The following NUCB1 variants were observed in gnomAD, a reference collection of about 807,000 sequenced individuals.
NUCB1 encodes nucleobindin-1.
Under a neutral mutation model 61.2 loss-of-function variants are expected in NUCB1, and 47 were observed. The ratio of observed to expected loss-of-function variants is 0.77; its 90% confidence interval spans 0.61 to 0.98. The LOEUF is 0.98. NUCB1 is among the 50% of genes least tolerant of loss of function. The pLI is 0.00. For missense variants in NUCB1, 583 were observed against 605.3 expected (o/e 0.96, Z 0.39); for synonymous variants, 234 against 243.1 (o/e 0.96, Z 0.35).
chr19:48,909,292 G>T (rs1173948433), intron 4 of NUCB1, among the ~76,000 whole-genome samples: 1 of 151,274 alleles, frequency 6.6e-6, no homozygotes, highest in Non-Finnish European at 1.5e-5. Context: ...TCGTTGCCCA[G>T]GCTGGAGTGC....
intron 2 of NUCB1, among the ~76,000 whole-genome samples, chr19:48,903,964 G>A (rs2037384883): frequency 6.7e-6 from 1 of 148,674 alleles, no homozygotes; most frequent in Admixed American, 6.7e-5. Flanking sequence ...ATGGATGGGT[G>A]GATGGATGGA....
chr19:48,906,003 G>GTGCTGAAATGTGC, intron 4 of NUCB1, 118 bp downstream of exon 4: 1 of 958,518 alleles, frequency 1.0e-6, no homozygotes, highest in Non-Finnish European at 1.6e-6. Flanking sequence ...GCTGCGAAAT[G>GTGCTGAAATGTGC]TGCTGAAATG....
intron 6 of NUCB1, 26 bp from the exon 7 acceptor site, chr19:48,913,448 T>C (rs1445166667): frequency 6.2e-7 from 1 of 1,600,362 alleles, no homozygotes; most frequent in East Asian, 2.2e-5. Context: ...TTCTTGCTCA[T>C]GAGCTCCTGG....
intron 7 of NUCB1, among the ~76,000 whole-genome samples, chr19:48,916,506 G>A (rs538512872): frequency 1.3e-3 from 201 of 152,170 alleles, no homozygotes; most frequent in African/African-American, 4.5e-3. Context: ...TGTAGTCCCA[G>A]CTCCTTGGGA....
At chr19:48,919,355 T>A (rs2037580356) in intron 10 of NUCB1, 69 bp downstream of exon 10, 4 of 1,199,834 alleles carry the variant, frequency 3.3e-6, no homozygotes, top group Non-Finnish European at 4.8e-6. Context: ...TCTTTCAGAA[T>A]CTTAGGCCCC....
intron 7 of NUCB1, among the ~76,000 whole-genome samples, chr19:48,913,985 T>G: frequency 6.7e-6 from 1 of 149,516 alleles, no homozygotes; most frequent in Non-Finnish European, 1.5e-5. Flanking sequence ...TTTTTTTTTT[T>G]GAGATGGAGT....
At position 48,904,586 on chromosome 19, in the gene NUCB1, G is replaced by A. The variant is rs2037392639; in HGVS notation, c.243+132G>A. The A allele has an allele frequency of 8.3e-6, 5 of 606,050 alleles. No individual in the cohort carries two copies. The Admixed American group carries it at 1.4e-4, about 16-fold the overall frequency. 37.5% of individuals were successfully genotyped at this position (606,050 alleles called of 1,614,324 possible). On this transcript the variant is annotated intron_variant, in intron 3 of 12. Transcript: ENST00000405315. ...GTCACCCAGGCTGGAGTGCGATGGT[G>A]CGATCTCAGCTCACTGCACCTCCAC... is the stretch of plus-strand genomic sequence containing the variant.
At chr19:48,905,721 C>T (rs2037402895) in intron 3 of NUCB1, 32 bp from the exon 4 acceptor site, 1 of 1,613,426 alleles carries the variant, frequency 6.2e-7, no homozygotes, top group Non-Finnish European at 8.5e-7. Context: ...AGAGCAGGCC[C>T]CCAGGCTGAC....
chr19:48,904,842 G>T (rs1262447556), intron 3 of NUCB1, among the ~76,000 whole-genome samples: 1 of 152,134 alleles, frequency 6.6e-6, no homozygotes, highest in African/African-American at 2.4e-5. Context: ...CTTCAAAGGG[G>T]CCACATGGCT....
chr19:48,914,796 AT>A (rs201039177), intron 7 of NUCB1, among the ~76,000 whole-genome samples: 2,674 of 149,488 alleles, frequency 0.018, 40 homozygotes, highest in Admixed American at 0.029. Flanking sequence ...AAAAAAAAAA[AT>A]AGACCAGGCG....
At chr19:48,907,768 C>G (rs1008904808) in intron 4 of NUCB1, among the ~76,000 whole-genome samples, 18 of 152,222 alleles carry the variant, frequency 1.2e-4, no homozygotes, top group African/African-American at 4.1e-4. Flanking sequence ...CCCTCAGGCC[C>G]GCATTCATGT....
chr19:48,909,580 C>T (rs568979910), intron 4 of NUCB1, among the ~76,000 whole-genome samples: 1 of 150,928 alleles, frequency 6.6e-6, no homozygotes, highest in Admixed American at 6.6e-5. Flanking sequence ...TCACTTCTAT[C>T]CTCCAGGCTA....
At chr19:48,911,530 C>T (rs1379623252) in intron 5 of NUCB1, among the ~76,000 whole-genome samples, 1 of 151,636 alleles carries the variant, frequency 6.6e-6, no homozygotes, top group Non-Finnish European at 1.5e-5. Context: ...CTCAGCCTCC[C>T]GAGTAGCTAG....
At chr19:48,904,984 C>T (rs1383513749) in intron 3 of NUCB1, among the ~76,000 whole-genome samples, 3 of 152,208 alleles carry the variant, frequency 2.0e-5, no homozygotes, top group African/African-American at 7.2e-5. Flanking sequence ...GGCAGGCTTT[C>T]AGTCGCAGCT....
At position 48,913,091 on chromosome 19, in the gene NUCB1, A is replaced by G. The variant is rs116976299; in HGVS notation, c.561A>G (p.Arg187=). The change falls in exon 6 of 13, where the codon AGA becomes AGG. Residue 187 remains arginine (R), a synonymous_variant. Coordinates refer to ENST00000405315, the MANE Select transcript of NUCB1 (RefSeq NM_006184.6). ...ACGAGATGCTTAAGGAACACGAGAG[A>G]CGGCGTTATCTGGAGTCACTGGGAG... ...KRYEMLKEHE[R]RRYLESLGEE... is the part of the protein sequence containing the mutation. 2.0e-5 allele frequency: 32 copies of G among 1,613,524 alleles called. No homozygotes were observed. The highest frequency in any genetic ancestry group is 8.4e-5 in the Admixed American group (5 of 59,832).
intron 5 of NUCB1, among the ~76,000 whole-genome samples, chr19:48,911,522 C>T (rs1220470480): frequency 6.6e-6 from 1 of 151,488 alleles, no homozygotes; most frequent in Admixed American, 6.6e-5. Context: ...TCTCCTGCCT[C>T]AGCCTCCCGA....
intron 7 of NUCB1, among the ~76,000 whole-genome samples, chr19:48,915,898 C>T (rs745928245): frequency 1.3e-5 from 2 of 152,104 alleles, no homozygotes; most frequent in African/African-American, 4.8e-5. Context: ...ATCCTCCTGC[C>T]TCAGTCACCT....
chr19:48,908,655 G>A (rs1447758969), intron 4 of NUCB1, among the ~76,000 whole-genome samples: 2 of 109,378 alleles, frequency 1.8e-5, no homozygotes, highest in Non-Finnish European at 4.5e-5. Flanking sequence ...GCCCGTGTGT[G>A]TGTGTGTGTG....
chr19:48,900,669 G>A, intron 1 of NUCB1, 117 bp from the exon 2 acceptor site: 1 of 1,354,256 alleles, frequency 7.4e-7, no homozygotes, highest in Non-Finnish European at 1.0e-6. Flanking sequence ...GTAACAAAAT[G>A]CTTGTGTCTT....
Sources: allele counts gnomAD v4.1 joint callset (sites outside exome capture counted in the v4.1 genomes callset), GRCh38; gene constraint gnomAD v4.1.1; transcripts MANE v1.5; gene names NCBI Gene and HGNC (gene_info 2026-07-23, HGNC 2026-07-21).